Variants in GRM7 observed in about 807,000 individuals in gnomAD.
The protein encoded by GRM7 is glutamate metabotropic receptor 7.
Under a neutral mutation model 84.5 loss-of-function variants are expected in GRM7, and 35 were observed. The ratio of observed to expected loss-of-function variants is 0.41; its 90% CI spans 0.32 to 0.55. The LOEUF (loss-of-function observed/expected upper bound fraction) is 0.55, where lower values mean the gene tolerates loss of function less well. Ranked by LOEUF, GRM7 falls within the 20% of genes least tolerant of loss-of-function variation. The pLI is 0.19. For missense variants in GRM7, 1,003 were observed against 1,194.6 expected, an observed-to-expected ratio of 0.84 and a Z score of 2.36; for synonymous variants, 487 against 455.1, an observed-to-expected ratio of 1.07 and a Z score of -0.89.
intron 1 of GRM7, among the ~76,000 whole-genome samples, chr3:6,919,679 G>T (rs936906051): frequency 2.0e-5 from 3 of 151,550 alleles, no homozygotes; most frequent in African/African-American, 4.8e-5. Context: ...AGATCATGGG[G>T]TTCTTTCCCT....
intron 4 of GRM7, among the ~76,000 whole-genome samples, chr3:7,378,151 G>A (rs115752106): frequency 5.0e-4 from 76 of 152,236 alleles, no homozygotes; most frequent in African/African-American, 1.7e-3. Flanking sequence ...TGGGATGGCT[G>A]CACAGCCCGG....
At chr3:6,984,841 C>T (rs1401629178) in intron 1 of GRM7, among the ~76,000 whole-genome samples, 1 of 152,094 alleles carries the variant, frequency 6.6e-6, no homozygotes, top group Non-Finnish European at 1.5e-5. Context: ...CAGAATAAAG[C>T]TTTTTCCCAT....
chr3:7,215,477 A>G (rs538846005), intron 2 of GRM7, among the ~76,000 whole-genome samples: 7 of 152,138 alleles, frequency 4.6e-5, no homozygotes, highest in Admixed American at 1.3e-4. Context: ...ACCCTGGCTA[A>G]CACAGTGAAA....
intron 8 of GRM7, among the ~76,000 whole-genome samples, chr3:7,617,208 T>A (rs1168706961): frequency 6.6e-6 from 1 of 152,076 alleles, no homozygotes; most frequent in Admixed American, 6.6e-5. Flanking sequence ...GTTCCAATAA[T>A]GAAACACTAG....
chr3:6,931,358 G>A (rs1697493643), intron 1 of GRM7, among the ~76,000 whole-genome samples: 1 of 152,130 alleles, frequency 6.6e-6, no homozygotes, highest in Admixed American at 6.6e-5. Context: ...GTGACATAGA[G>A]GACTGAAAGG....
At chr3:7,074,294 C>A (rs563725998) in intron 1 of GRM7, among the ~76,000 whole-genome samples, 2 of 152,032 alleles carry the variant, frequency 1.3e-5, no homozygotes, top group African/African-American at 4.8e-5. Context: ...ACTCAGTAAA[C>A]CCTGTAAGCA....
At chr3:7,510,914 A>T (rs1290873756) in intron 7 of GRM7, among the ~76,000 whole-genome samples, 2 of 152,178 alleles carry the variant, frequency 1.3e-5, no homozygotes, top group African/African-American at 4.8e-5. Flanking sequence ...GAGAACGCAC[A>T]TCAGAAAAGT....
intron 5 of GRM7, among the ~76,000 whole-genome samples, chr3:7,446,390 C>T (rs1470326714): frequency 6.6e-6 from 1 of 151,678 alleles, no homozygotes; most frequent in African/African-American, 2.4e-5. Flanking sequence ...CTCATAACTC[C>T]ATCTCTTTCT....
chr3:6,910,099 G>A (rs751716631), intron 1 of GRM7, among the ~76,000 whole-genome samples: 1 of 152,026 alleles, frequency 6.6e-6, no homozygotes, highest in Non-Finnish European at 1.5e-5. Context: ...AGGTACATGG[G>A]ATAATTAAAA....
At chr3:7,503,584 T>C (rs1699949437) in intron 7 of GRM7, among the ~76,000 whole-genome samples, 2 of 152,194 alleles carry the variant, frequency 1.3e-5, no homozygotes, top group South Asian at 2.1e-4. Context: ...AATCATTCAG[T>C]ACAGAGTGGA....
chr3:6,902,142 C>T (rs1007238109), intron 1 of GRM7, among the ~76,000 whole-genome samples: 2 of 152,098 alleles, frequency 1.3e-5, no homozygotes, highest in African/African-American at 4.8e-5. Context: ...ACCAGACCAC[C>T]CTGTTCCTAA....
intron 1 of GRM7, among the ~76,000 whole-genome samples, chr3:6,951,536 T>G (rs367642529): frequency 1.7e-4 from 26 of 152,236 alleles, no homozygotes; most frequent in African/African-American, 5.3e-4. Flanking sequence ...GATTTCTTCT[T>G]TGATTCCTAG....
chr3:6,938,830 G>A (rs964300188), intron 1 of GRM7, among the ~76,000 whole-genome samples: 23 of 152,178 alleles, frequency 1.5e-4, no homozygotes, highest in Non-Finnish European at 3.2e-4. Context: ...ATGAAGTTGT[G>A]TCTTATCAAC....
intron 1 of GRM7, among the ~76,000 whole-genome samples, chr3:7,125,223 G>A (rs1559456503): frequency 1.3e-5 from 2 of 152,290 alleles, no homozygotes; most frequent in Admixed American, 6.5e-5. Context: ...ACAGGCGTGA[G>A]CCACCATGCC....
chr3:7,060,797 G>T (rs1043416858), intron 1 of GRM7, among the ~76,000 whole-genome samples: 15 of 151,730 alleles, frequency 9.9e-5, no homozygotes, highest in African/African-American at 3.6e-4. Context: ...AGAAAGGTAG[G>T]AAAGAATAAA....
chr3:7,323,676 C>G (rs1242891528), intron 4 of GRM7, among the ~76,000 whole-genome samples: 1 of 152,120 alleles, frequency 6.6e-6, no homozygotes, highest in Non-Finnish European at 1.5e-5. Context: ...AACTAATTTG[C>G]CAAGTCAATG....
intron 7 of GRM7, among the ~76,000 whole-genome samples, chr3:7,547,784 A>G (rs1233611284): frequency 6.6e-6 from 1 of 152,240 alleles, no homozygotes; most frequent in African/African-American, 2.4e-5. Context: ...AAATAACGAA[A>G]GCAAAGAAAC....
chr3:7,167,854 T>A (rs139698150), intron 2 of GRM7, among the ~76,000 whole-genome samples: 5,110 of 151,468 alleles, frequency 0.034, 259 homozygotes, highest in African/African-American at 0.11. Context: ...CTGTAGTCCC[T>A]GCTACTCGGG....
chr3:7,567,847 A>G (rs1441831375), intron 7 of GRM7, among the ~76,000 whole-genome samples: 1 of 150,350 alleles, frequency 6.7e-6, no homozygotes, highest in Non-Finnish European at 1.5e-5. Context: ...GAGGGTTTTC[A>G]AAATGAGTTG....
Sources: allele counts gnomAD v4.1 joint callset (sites outside exome capture counted in the v4.1 genomes callset), GRCh38; gene constraint gnomAD v4.1.1; transcripts MANE v1.5; gene names NCBI Gene and HGNC (gene_info 2026-07-23, HGNC 2026-07-21).